Variants in ASCL4 observed in about 807,000 individuals in gnomAD.
The protein encoded by ASCL4 is achaete-scute family bHLH transcription factor 4, also known as achaete-scute homolog 4.
ASCL4 carries 1 observed loss-of-function variant against 0.3 expected under a neutral mutation model. The ratio of observed to expected loss-of-function variants is 3.35; its 90% confidence interval spans 1.19 to 15.89. The LOEUF (loss-of-function observed/expected upper bound fraction) is 15.89. Ranked by LOEUF, ASCL4 falls within the 30% of genes most tolerant of loss-of-function variation. The probability of loss-of-function intolerance (pLI) is 0.12; values close to 1 mark genes in which losing one functional copy is unlikely to be tolerated. For synonymous variants in ASCL4, 137 were observed against 119.5 expected, an observed-to-expected ratio of 1.15 and a Z score of -0.96; for missense variants, 330 against 256.9, an observed-to-expected ratio of 1.28 and a Z score of -1.94.
chr12:107,775,986 T>C lies in ASCL4; in HGVS notation c.*249T>C, dbSNP rs1891457898. 5.0e-6 allele frequency: 2 copies of C among 400,616 alleles called. No individual in the cohort carries two copies. Among genetic ancestry groups the C allele is most frequent in the East Asian group, 7.7e-5 (2 of 25,928 alleles). The allele number at this position is 400,616 out of a possible 1,614,324, so 24.8% of individuals were successfully genotyped here. A position where few individuals can be genotyped will look rare whatever the true frequency, so the allele number is the denominator to read the frequency against. On this transcript the variant is annotated 3_prime_UTR_variant, in exon 1 of 1. Coordinates refer to ENST00000342331, the MANE Select transcript of ASCL4 (RefSeq NM_203436.3). ...ATAGGTGCTTATTAAGGAGACTCTT[T>C]TCCTATACTTCTAAAATGCAAACTG...
chr12:107,775,521 G>C lies in ASCL4; in HGVS notation c.303G>C (p.Arg101=). ...CGCGCCTCCGAGACCACCTGCCCCG[G>C]GAGCTGGCAGACAAGCGCCTCAGCA... ...GYARLRDHLP[R]ELADKRLSKV... is the part of the protein sequence containing the mutation. The change falls in exon 1 of 1, where the codon CGG becomes CGC. Residue 101 remains arginine, a synonymous_variant. Coordinates refer to ENST00000342331, the MANE Select transcript of ASCL4 (RefSeq NM_203436.3). 1 of 1,572,814 alleles carries C rather than the reference G, an allele frequency of 6.4e-7. No individual in the cohort carries two copies. The highest frequency in any genetic ancestry group is 8.6e-7 in the Non-Finnish European group (1 of 1,167,912).
In ASCL4 at chr12:107,775,615, TG is replaced by T; in HGVS notation, c.402del (p.Leu135SerfsTer71). 1.3e-6 allele frequency: 2 copies of T among 1,569,918 alleles called. No individual in the cohort carries two copies. The highest frequency in any genetic ancestry group is 8.6e-7 in the Non-Finnish European group (1 of 1,166,684). ...HLQELLERQAWGLEGAAGAVP... is the reference protein window; with the variant it reads ...HLQELLERQAXGLEGAAGAVP... ...GCAGGAGCTGCTGGAGCGCCAGGCC[TG>T]GGGGCTCGAGGGCGCGGCCGGCGCC... On this transcript the variant is annotated frameshift_variant, in exon 1 of 1. Coordinates refer to ENST00000342331, the MANE Select transcript of ASCL4 (RefSeq NM_203436.3). LOFTEE classifies it low-confidence loss of function (END_TRUNC).
chr12:107,774,963 T>G lies in ASCL4; in HGVS notation c.-256T>G, dbSNP rs116982047. The G allele has an allele frequency of 0.014, 7,144 of 514,230 alleles. 80 individuals are homozygous for G. The highest frequency in any genetic ancestry group is 0.021 in the Admixed American group (528 of 25,666). 31.9% of individuals were successfully genotyped at this position (514,230 alleles called of 1,614,324 possible). The stretch of plus-strand genomic sequence containing the variant: ...GGAAGACGGGGTTTGAAGTGTGGAT[T>G]AGGAGATCCTACGTCTTTGCCTACC... On this transcript the variant is annotated 5_prime_UTR_variant, in exon 1 of 1. It adds an upstream start codon to the 5' untranslated region. Transcript: ENST00000342331.
chr12:107,775,243 CG>C lies in ASCL4; in HGVS notation c.27del (p.Leu10TrpfsTer79), dbSNP rs1187815639. 6.2e-7 allele frequency: 1 copy of C among 1,612,180 alleles called. No individual in the cohort carries two copies. Among genetic ancestry groups the C allele is most frequent in the African/African-American group, 1.3e-5 (1 of 74,610 alleles). On this transcript the variant is annotated frameshift_variant, in exon 1 of 1. Coordinates refer to ENST00000342331, the MANE Select transcript of ASCL4 (RefSeq NM_203436.3). LOFTEE classifies it low-confidence loss of function (END_TRUNC). ...GATGGAGACGCGTAAACCGGCGGAA[CG>C]GCTGGCCTTGCCATACTCGCTGCGC... Reference protein sequence around the residue: METRKPAERLALPYSLRTA... With the variant: METRKPAEXLALPYSLRTA...
In ASCL4 at chr12:107,775,740, A is replaced by T; in HGVS notation, c.*3A>T. Reference sequence around the variant, plus strand: ...AGCCCGAGGAGGGGGGCAGCTAGCGAGCGCCCGAACTGGCCAGGACCCCCG... The same window carrying T: ...AGCCCGAGGAGGGGGGCAGCTAGCGTGCGCCCGAACTGGCCAGGACCCCCG... On this transcript the variant is annotated 3_prime_UTR_variant, in exon 1 of 1. Coordinates refer to ENST00000342331, the MANE Select transcript of ASCL4 (RefSeq NM_203436.3). 1 of 1,431,996 alleles carries T rather than the reference A, an allele frequency of 7.0e-7. No homozygotes were observed. The highest frequency in any genetic ancestry group is 9.1e-7 in the Non-Finnish European group (1 of 1,101,052). 88.7% of individuals were successfully genotyped at this position (1,431,996 alleles called of 1,614,324 possible).
chr12:107,775,421 C>G lies in ASCL4; in HGVS notation c.203C>G (p.Ala68Gly), dbSNP rs1424438730. 6.3e-7 allele frequency: 1 copy of G among 1,574,886 alleles called. No individual in the cohort carries two copies. The highest frequency in any genetic ancestry group is 8.6e-7 in the Non-Finnish European group (1 of 1,166,464). ...WQYLPVPLDS[A>G]FEPAFLRKRN... is the part of the protein sequence containing the mutation. ...TACTTGCCCGTGCCGCTGGACAGCG[C>G]CTTCGAGCCCGCCTTCCTCCGCAAG... Residue 68 changes from alanine (A) to glycine (G), a missense_variant, in exon 1 of 1, where the codon GCC becomes GGC. Ala to Gly is a moderately conservative substitution (Grantham distance 60). Transcript: ENST00000342331.
Position 107,775,441 on chromosome 12 carries a change from C to A in ASCL4, c.223C>A (p.Arg75Ser). 1 of 1,569,142 alleles carries A rather than the reference C, an allele frequency of 6.4e-7. No homozygotes were observed. Among genetic ancestry groups the A allele is most frequent in the East Asian group, 2.3e-5 (1 of 43,268 alleles). Residue 75 changes from arginine (R) to serine (S), a missense_variant, in exon 1 of 1, where the codon CGC becomes AGC. Coordinates refer to ENST00000342331, the MANE Select transcript of ASCL4 (RefSeq NM_203436.3). ...CAGCGCCTTCGAGCCCGCCTTCCTC[C>A]GCAAGCGCAACGAGCGCGAGCGGCA... ...LDSAFEPAFL[R>S]KRNERERQRV... is the part of the protein sequence containing the mutation.
chr12:107,775,026 T>A lies in ASCL4; in HGVS notation c.-193T>A. ...ATCATAAAAAGATCGAGGAGTGCAATGAACTTCAGGAATCATGCACCGTTT... is the reference window on the plus strand; with the variant it reads ...ATCATAAAAAGATCGAGGAGTGCAAAGAACTTCAGGAATCATGCACCGTTT... On this transcript the variant is annotated 5_prime_UTR_variant, in exon 1 of 1. An upstream start codon of the reference 5' UTR is lost. Transcript: ENST00000342331. 1 of 644,676 alleles carries A rather than the reference T, an allele frequency of 1.6e-6. No homozygotes were observed. Among genetic ancestry groups the A allele is most frequent in the Non-Finnish European group, 2.6e-6 (1 of 385,704 alleles). The allele number at this position is 644,676 out of a possible 1,614,324, so 39.9% of individuals were successfully genotyped here.
In ASCL4 at chr12:107,775,405, G is replaced by C; in HGVS notation, c.187G>C (p.Val63Leu). 5 of 1,589,700 alleles carry C rather than the reference G, an allele frequency of 3.1e-6. No homozygotes were observed. The highest frequency in any genetic ancestry group is 2.6e-6 in the Non-Finnish European group (3 of 1,171,700). ...CGCACGGGGATGGCAGTACTTGCCCGTGCCGCTGGACAGCGCCTTCGAGCC... is the reference window on the plus strand; with the variant it reads ...CGCACGGGGATGGCAGTACTTGCCCCTGCCGCTGGACAGCGCCTTCGAGCC... ...GCARGWQYLP[V>L]PLDSAFEPAF... The change falls in exon 1 of 1, where the codon GTG (valine) becomes CTG (leucine). Residue 63 changes from valine to leucine, a missense_variant. Physicochemically the swap from Val to Leu is conservative, Grantham distance 32 (BLOSUM62 1). Transcript: ENST00000342331.
Position 107,775,410 on chromosome 12 carries a change from G to A in ASCL4, c.192G>A (p.Pro64=), listed in dbSNP as rs1461534795. 19 of 1,583,628 alleles carry A rather than the reference G, an allele frequency of 1.2e-5. No homozygotes were observed. Among genetic ancestry groups the A allele is most frequent in the Non-Finnish European group, 1.5e-5 (17 of 1,169,646 alleles). ...GGGGATGGCAGTACTTGCCCGTGCC[G>A]CTGGACAGCGCCTTCGAGCCCGCCT... ...CARGWQYLPV[P]LDSAFEPAFL... Residue 64 remains proline, a synonymous_variant, in exon 1 of 1, where the codon CCG becomes CCA. Transcript: ENST00000342331.
At position 107,775,263 on chromosome 12, in the gene ASCL4, G is replaced by A; in HGVS notation, c.45G>A (p.Ser15=). 1 of 1,612,802 alleles carries A rather than the reference G, an allele frequency of 6.2e-7. No homozygotes were observed. Among genetic ancestry groups the A allele is most frequent in the Non-Finnish European group, 8.5e-7 (1 of 1,179,468 alleles). Residue 15 remains serine (S), a synonymous_variant, in exon 1 of 1, where the codon TCG becomes TCA. Transcript: ENST00000342331. ...CGGAACGGCTGGCCTTGCCATACTC[G>A]CTGCGCACCGCGCCCCTGGGCGTTC... The part of the protein sequence containing the change: ...KPAERLALPY[S]LRTAPLGVPG...
Position 107,775,642 on chromosome 12 carries a change from G to C in ASCL4, c.424G>C (p.Val142Leu). Residue 142 changes from valine (V) to leucine (L), a missense_variant, in exon 1 of 1, where the codon GTC becomes CTC. Val to Leu is a conservative substitution (Grantham distance 32). Coordinates refer to ENST00000342331, the MANE Select transcript of ASCL4 (RefSeq NM_203436.3). ...GGGGCTCGAGGGCGCGGCCGGCGCCGTCCCCCAGCGCAGGGCGGAATGCAA... is the reference window on the plus strand; with the variant it reads ...GGGGCTCGAGGGCGCGGCCGGCGCCCTCCCCCAGCGCAGGGCGGAATGCAA... ...AWGLEGAAGA[V>L]PQRRAECNSD... 6.4e-7 allele frequency: 1 copy of C among 1,556,420 alleles called. No individual in the cohort carries two copies. The highest frequency in any genetic ancestry group is 8.6e-7 in the Non-Finnish European group (1 of 1,160,760).
Position 107,775,013 on chromosome 12 carries a change from T to C in ASCL4, c.-206T>C. 1.7e-6 allele frequency: 1 copy of C among 598,644 alleles called. No individual in the cohort carries two copies. Among genetic ancestry groups the C allele is most frequent in the Non-Finnish European group, 2.8e-6 (1 of 351,488 alleles). 37.1% of individuals were successfully genotyped at this position (598,644 alleles called of 1,614,324 possible). A position where few individuals can be genotyped will look rare whatever the true frequency, so the allele number is the denominator to read the frequency against. ...CACCTCTGCCTAAATCATAAAAAGA[T>C]CGAGGAGTGCAATGAACTTCAGGAA... On this transcript the variant is annotated 5_prime_UTR_variant, in exon 1 of 1. Coordinates refer to ENST00000342331, the MANE Select transcript of ASCL4 (RefSeq NM_203436.3).
In ASCL4 at chr12:107,775,300, C is replaced by G. The variant is rs201910980; in HGVS notation, c.82C>G (p.Pro28Ala). The G allele has an allele frequency of 4.3e-6, 7 of 1,611,836 alleles. No individual in the cohort carries two copies. The highest frequency in any genetic ancestry group is 5.9e-6 in the Non-Finnish European group (7 of 1,179,032). ...TAPLGVPGTL[P>A]GLPRRDPLRV... ...GCCCCTGGGCGTTCCGGGGACCCTGCCCGGACTCCCGCGGAGGGACCCCCT... is the reference window on the plus strand; with the variant it reads ...GCCCCTGGGCGTTCCGGGGACCCTGGCCGGACTCCCGCGGAGGGACCCCCT... Residue 28 changes from proline (P) to alanine (A), a missense_variant, in exon 1 of 1, where the codon CCC (proline) becomes GCC (alanine). Transcript: ENST00000342331.
chr12:107,776,107 A>C lies in ASCL4; in HGVS notation c.*370A>C. 4.9e-6 allele frequency: 1 copy of C among 202,718 alleles called. No individual in the cohort carries two copies. The highest frequency in any genetic ancestry group is 1.3e-4 in the East Asian group (1 of 7,930). The allele number at this position is 202,718 out of a possible 1,614,324, so 12.6% of individuals were successfully genotyped here. A position where few individuals can be genotyped will look rare whatever the true frequency, so the allele number is the denominator to read the frequency against. ...TTCCCACCTTCCGTGGTGTGGGTAA[A>C]TGGTATACATAAACATTAAACCTTA... On this transcript the variant is annotated 3_prime_UTR_variant, in exon 1 of 1. Coordinates refer to ENST00000342331, the MANE Select transcript of ASCL4 (RefSeq NM_203436.3).
rs1891434904 is a variant in ASCL4 at position 107,775,046 on chromosome 12, C to A, written c.-173C>A. On this transcript the variant is annotated 5_prime_UTR_variant, in exon 1 of 1. Coordinates refer to ENST00000342331, the MANE Select transcript of ASCL4 (RefSeq NM_203436.3). ...TGCAATGAACTTCAGGAATCATGCA[C>A]CGTTTCCCTGAAGCCTGTCCAGGAA... 3 of 748,886 alleles carry A rather than the reference C, an allele frequency of 4.0e-6. No homozygotes were observed. The highest frequency in any genetic ancestry group is 3.7e-5 in the South Asian group (2 of 54,142). 46.4% of individuals were successfully genotyped at this position (748,886 alleles called of 1,614,324 possible).
rs1230931277 is a variant in ASCL4 at position 107,775,695 on chromosome 12, G to C, written c.477G>C (p.Ser159=). 2.0e-6 allele frequency: 3 copies of C among 1,470,306 alleles called. No individual in the cohort carries two copies. The highest frequency in any genetic ancestry group is 2.2e-4 in the Middle Eastern group (1 of 4,550). 91.1% of individuals were successfully genotyped at this position (1,470,306 alleles called of 1,614,324 possible). A position where few individuals can be genotyped will look rare whatever the true frequency, so the allele number is the denominator to read the frequency against. The change falls in exon 1 of 1, where the codon TCG becomes TCC. Residue 159 remains serine, a synonymous_variant. Transcript: ENST00000342331. The part of the protein sequence containing the change: ...CNSDGESKAS[S]APSPSSEPEE... ...GCGACGGGGAGTCCAAGGCCTCTTC[G>C]GCGCCTTCGCCCAGCAGCGAGCCCG...
chr12:107,775,138 C>G lies in ASCL4; in HGVS notation c.-81C>G. ...CTGAGCCAGGCAGTCTGCACCAGCA[C>G]CTCTGCTTCTAAGATTCTGTTTCGT... On this transcript the variant is annotated 5_prime_UTR_variant, in exon 1 of 1. Transcript: ENST00000342331. 1 of 1,544,904 alleles carries G rather than the reference C, an allele frequency of 6.5e-7. No homozygotes were observed. The highest frequency in any genetic ancestry group is 8.8e-7 in the Non-Finnish European group (1 of 1,138,566).
chr12:107,775,741 G>A lies in ASCL4; in HGVS notation c.*4G>A. On this transcript the variant is annotated 3_prime_UTR_variant, in exon 1 of 1. Coordinates refer to ENST00000342331, the MANE Select transcript of ASCL4 (RefSeq NM_203436.3). ...GCCCGAGGAGGGGGGCAGCTAGCGAGCGCCCGAACTGGCCAGGACCCCCGC... is the reference window on the plus strand; with the variant it reads ...GCCCGAGGAGGGGGGCAGCTAGCGAACGCCCGAACTGGCCAGGACCCCCGC... The A allele has an allele frequency of 1.4e-6, 2 of 1,431,110 alleles. No homozygotes were observed. The highest frequency in any genetic ancestry group is 1.8e-6 in the Non-Finnish European group (2 of 1,100,564). 88.7% of individuals were successfully genotyped at this position (1,431,110 alleles called of 1,614,324 possible).
Sources: allele counts gnomAD v4.1 joint callset, GRCh38; gene constraint gnomAD v4.1.1; transcripts MANE v1.5; gene names NCBI Gene and HGNC (gene_info 2026-07-23, HGNC 2026-07-21).